PAPPA: variants seen among roughly 807,000 people sequenced by gnomAD.
The protein encoded by PAPPA is pappalysin-1.
PAPPA carries 60 observed loss-of-function variants against 164.0 expected under a neutral mutation model. That is an observed-to-expected ratio of 0.37 (90% CI 0.30 to 0.45). PAPPA has a LOEUF of 0.45. PAPPA is among the 20% of genes least tolerant of loss of function. The pLI is 1.00. For synonymous variants in PAPPA, 875 were observed against 814.1 expected (o/e 1.07, Z -1.27); for missense variants, 1,782 against 2,087.3 (o/e 0.85, Z 2.85).
At chr9:116,294,965 G>A (rs1290680673) in intron 9 of PAPPA, among the ~76,000 whole-genome samples, 2 of 152,144 alleles carry the variant, frequency 1.3e-5, no homozygotes, top group Non-Finnish European at 2.9e-5. Context: ...TCCACTCATC[G>A]TTTGGAAGGA....
At chr9:116,362,530 A>C (rs1475684762) in intron 17 of PAPPA, 62 bp from the exon 18 acceptor site, 1 of 1,538,864 alleles carries the variant, frequency 6.5e-7, no homozygotes, top group African/African-American at 1.4e-5. Context: ...TGTATTCAGA[A>C]TAGCTTATTC....
At chr9:116,258,376 G>T (rs1844957545) in intron 7 of PAPPA, among the ~76,000 whole-genome samples, 1 of 152,088 alleles carries the variant, frequency 6.6e-6, no homozygotes, top group African/African-American at 2.4e-5. Context: ...GACCAATGAG[G>T]CTGGGTGGCA....
At chr9:116,383,504 A>ATGAT (rs1846760820) in intron 21 of PAPPA, among the ~76,000 whole-genome samples, 1 of 149,824 alleles carries the variant, frequency 6.7e-6, no homozygotes, top group African/African-American at 2.5e-5. Context: ...TAAAAGAGGA[A>ATGAT]TGATTTGTCC....
chr9:116,340,128 A>C (rs1185372441), intron 13 of PAPPA, among the ~76,000 whole-genome samples: 1 of 151,946 alleles, frequency 6.6e-6, no homozygotes, highest in Non-Finnish European at 1.5e-5. Context: ...AAGTGTCTTC[A>C]TTTTTTTCCT....
At chr9:116,354,745 C>T (rs992554609) in intron 17 of PAPPA, among the ~76,000 whole-genome samples, 7 of 152,194 alleles carry the variant, frequency 4.6e-5, no homozygotes, top group Admixed American at 1.3e-4. Context: ...CATGCAGCTT[C>T]GTGATCATTT....
At chr9:116,210,353 T>C (rs1844291447) in intron 3 of PAPPA, among the ~76,000 whole-genome samples, 2 of 152,114 alleles carry the variant, frequency 1.3e-5, no homozygotes, top group African/African-American at 4.8e-5. Flanking sequence ...GCATAGACTC[T>C]ATGAGTCCCT....
intron 7 of PAPPA, among the ~76,000 whole-genome samples, chr9:116,263,793 C>T (rs528098352): frequency 7.9e-5 from 12 of 152,208 alleles, no homozygotes; most frequent in South Asian, 4.1e-4. Flanking sequence ...GAGGAAGAGA[C>T]GCGACGAGAG....
Position 116,398,495 on chromosome 9 carries a change from A to AAG in PAPPA, c.*1883_*1884dup, listed in dbSNP as rs1491076830. The AAG allele has an allele frequency of 8.9e-7, 1 of 1,126,360 alleles. No homozygotes were observed. The highest frequency in any genetic ancestry group is 1.5e-5 in the South Asian group (1 of 67,868). 69.8% of individuals were successfully genotyped at this position (1,126,360 alleles called of 1,614,324 possible). On this transcript the variant is annotated 3_prime_UTR_variant, in exon 22 of 22. Transcript: ENST00000328252. ...CATAGCACTTAAAAAAAAAAAAAAAAAGAGACCAAAAATAACTTTAGGAAC... is the reference window on the plus strand; with the variant it reads ...CATAGCACTTAAAAAAAAAAAAAAAAAGAGAGACCAAAAATAACTTTAGGAAC...
chr9:116,342,599 A>G (rs952067347), intron 13 of PAPPA, among the ~76,000 whole-genome samples: 1 of 152,180 alleles, frequency 6.6e-6, no homozygotes, highest in African/African-American at 2.4e-5. Context: ...GAGAATAGGA[A>G]TAGATCCCAG....
chr9:116,384,518 T>TTTA (rs1474761533), intron 21 of PAPPA, among the ~76,000 whole-genome samples: 1 of 152,156 alleles, frequency 6.6e-6, no homozygotes, highest in Non-Finnish European at 1.5e-5. Flanking sequence ...TGCATTGTTG[T>TTTA]TTATTATATG....
intron 5 of PAPPA, among the ~76,000 whole-genome samples, chr9:116,223,710 G>A (rs961907803): frequency 7.2e-5 from 11 of 152,158 alleles, no homozygotes; most frequent in Non-Finnish European, 1.3e-4. Flanking sequence ...TGTCTTTAAC[G>A]TATATCACTC....
intron 9 of PAPPA, among the ~76,000 whole-genome samples, chr9:116,277,390 A>G (rs909434950): frequency 2.0e-5 from 3 of 152,030 alleles, no homozygotes; most frequent in Non-Finnish European, 4.4e-5. Flanking sequence ...CGAGGGTGAT[A>G]ATATCTCAGC....
chr9:116,277,872 C>T (rs10113955), intron 9 of PAPPA, among the ~76,000 whole-genome samples: 35,304 of 151,900 alleles, frequency 0.23, 5,158 homozygotes, highest in African/African-American at 0.4. Flanking sequence ...TTCACCATGT[C>T]GGACAGGCTA....
At chr9:116,341,704 C>T (rs1404824682) in intron 13 of PAPPA, among the ~76,000 whole-genome samples, 2 of 152,178 alleles carry the variant, frequency 1.3e-5, no homozygotes, top group East Asian at 3.8e-4. Context: ...CCACTATATT[C>T]CCAATGTATA....
At chr9:116,311,886 T>C (rs1845722359) in intron 10 of PAPPA, among the ~76,000 whole-genome samples, 1 of 152,226 alleles carries the variant, frequency 6.6e-6, no homozygotes. Flanking sequence ...TTGGCATTTG[T>C]AGGCATACAA....
intron 17 of PAPPA, among the ~76,000 whole-genome samples, chr9:116,357,899 T>C (rs1846374289): frequency 6.6e-6 from 1 of 152,130 alleles, no homozygotes; most frequent in African/African-American, 2.4e-5. Flanking sequence ...AAGGGAGCGG[T>C]GGAATCTTCA....
At chr9:116,263,461 C>A (rs1402384851) in intron 7 of PAPPA, among the ~76,000 whole-genome samples, 1 of 152,138 alleles carries the variant, frequency 6.6e-6, no homozygotes, top group Non-Finnish European at 1.5e-5. Context: ...ACCAAGGTTA[C>A]ATTACTTATT....
Position 116,154,151 on chromosome 9 carries a change from G to T in PAPPA, c.-22G>T. On this transcript the variant is annotated 5_prime_UTR_variant, in exon 1 of 22. Transcript: ENST00000328252. This position sits in a 1 kb window ranked among gnomAD's most constrained non-coding sequence, Gnocchi z 5.2. ...CGGGTGGCGGTGCAGGGGCGAAGGG[G>T]GGGCGGGGGGAACCGTCGGACATGC... 1 of 1,433,084 alleles carries T rather than the reference G, an allele frequency of 7.0e-7. No homozygotes were observed. The highest frequency in any genetic ancestry group is 1.2e-5 in the South Asian group (1 of 80,648). The allele number at this position is 1,433,084 out of a possible 1,614,324, so 88.8% of individuals were successfully genotyped here. A position where few individuals can be genotyped will look rare whatever the true frequency, so the allele number is the denominator to read the frequency against.
At chr9:116,318,855 G>T (rs200860044) in intron 10 of PAPPA, among the ~76,000 whole-genome samples, 1 of 152,026 alleles carries the variant, frequency 6.6e-6, no homozygotes, top group Admixed American at 6.6e-5. Context: ...CCCATCCAAG[G>T]GCCTCCTATT....
Sources: allele counts gnomAD v4.1 joint callset (sites outside exome capture counted in the v4.1 genomes callset), GRCh38; gene constraint gnomAD v4.1.1; non-coding constraint Gnocchi (gnomAD v3.1); transcripts MANE v1.5; gene names NCBI Gene and HGNC (gene_info 2026-07-23, HGNC 2026-07-21).